The following DLG4 variants were observed in gnomAD, a reference collection of about 807,000 sequenced individuals.
The protein encoded by DLG4 is disks large homolog 4.
A neutral mutation model predicts 93.8 loss-of-function variants in DLG4; 7 were observed. The ratio of observed to expected loss-of-function variants is 0.07; its 90% CI spans 0.04 to 0.14. DLG4 has a LOEUF of 0.14. Ranked by LOEUF, DLG4 falls within the 10% of genes least tolerant of loss-of-function variation. DLG4 has a pLI of 1.00. For missense variants in DLG4, 545 were observed against 992.9 expected (o/e 0.55, Z 6.06); for synonymous variants, 341 against 387.6 (o/e 0.88, Z 1.41).
Position 7,194,222 on chromosome 17 carries a change from C to A in DLG4, c.1478+97G>T. 4.1e-6 allele frequency: 6 copies of A among 1,474,998 alleles called. No individual in the cohort carries two copies. Among genetic ancestry groups the A allele is most frequent in the Non-Finnish European group, 5.5e-6 (6 of 1,098,620 alleles). 91.4% of individuals were successfully genotyped at this position (1,474,998 alleles called of 1,614,324 possible). A position where few individuals can be genotyped will look rare whatever the true frequency, so the allele number is the denominator to read the frequency against. On this transcript the variant is annotated intron_variant, in intron 12 of 19. Transcript: ENST00000399506. The surrounding 1 kb of genome is among the most constrained non-coding windows in gnomAD (Gnocchi z 4.4). ...CCCAACAGACAAACCCCTAGGAGTT[C>A]AGAGGGCAAACCCATCCCCTGTTGG...
At position 7,195,692 on chromosome 17, in the gene DLG4, G is replaced by A. The variant is rs1366792305; in HGVS notation, c.1301+528C>T. Among the ~76,000 whole-genome samples, 2 of 152,160 alleles carry A rather than the reference G, an allele frequency of 1.3e-5. No homozygotes were observed. Among genetic ancestry groups the A allele is most frequent in the African/African-American group, 2.4e-5 (1 of 41,436 alleles). On this transcript the variant is annotated intron_variant, in intron 11 of 19. Transcript: ENST00000399506. This position sits in a 1 kb window ranked among gnomAD's most constrained non-coding sequence, Gnocchi z 4.3. ...GCCATGCAAGCCACAGGGCCAGACA[G>A]GGACAGAAGTGGAGGGGTGACCCCC...
At chr17:7,199,991 A>G (rs984368453) in intron 8 of DLG4, among the ~76,000 whole-genome samples, 3 of 151,882 alleles carry the variant, frequency 2.0e-5, no homozygotes, top group South Asian at 2.1e-4. Context: ...AAAAAAAAAA[A>G]AAAAGAAAAG....
intron 2 of DLG4, among the ~76,000 whole-genome samples, chr17:7,206,640 TC>T (rs1425805850): frequency 1.3e-5 from 2 of 152,122 alleles, no homozygotes; most frequent in East Asian, 3.9e-4. Flanking sequence ...CTCTGTACCA[TC>T]CCTGTCTCCA....
Position 7,193,833 on chromosome 17 carries a change from A to T in DLG4, c.1543+11T>A. 6.2e-7 allele frequency: 1 copy of T among 1,612,642 alleles called. No homozygotes were observed. Among genetic ancestry groups the T allele is most frequent in the Non-Finnish European group, 8.5e-7 (1 of 1,179,398 alleles). On this transcript the variant is annotated intron_variant, in intron 14 of 19. Coordinates refer to ENST00000399506, the MANE Select transcript of DLG4 (RefSeq NM_001321075.3). The surrounding 1 kb of genome is among the most constrained non-coding windows in gnomAD (Gnocchi z 6.7). ...CTCTCACCCACATCTTCCCGAACTA[A>T]CCCTACCTACCCTGCGATCCAGAGC...
At chr17:7,197,099 C>T in intron 8 of DLG4, 47 bp from the exon 9 acceptor site, 2 of 1,524,860 alleles carry the variant, frequency 1.3e-6, no homozygotes, top group Non-Finnish European at 1.8e-6. Context: ...GGAAACAGCA[C>T]CCGCCACCCA....
In DLG4 at chr17:7,202,998, G is replaced by A. The variant is rs2070229323; in HGVS notation, c.692C>T (p.Ala231Val). Residue 231 changes from alanine (A) to valine (V), a missense_variant, in exon 8 of 20, where the codon GCC becomes GTC. Ala to Val is a moderately conservative substitution (Grantham distance 64). Transcript: ENST00000399506. The part of the protein sequence containing the change: ...EDVMHEDAVA[A>V]LKNTYDVVYL... ...GACAACATCATACGTGTTCTTCAGG[G>A]CTGCCACAGCATCTTCATGCATGAC... 6.2e-7 allele frequency: 1 copy of A among 1,613,152 alleles called. No homozygotes were observed. Among genetic ancestry groups the A allele is most frequent in the African/African-American group, 1.3e-5 (1 of 75,024 alleles).
upstream of DLG4, chr17:7,219,937 C>G (rs773696021): frequency 1.5e-6 from 1 of 667,644 alleles, no homozygotes; most frequent in Non-Finnish European, 2.3e-6. Flanking sequence ...TGCAGGACGC[C>G]AGAGCTGGGT....
chr17:7,190,301 G>A lies in DLG4; in HGVS notation c.*407C>T. ...TGACCCCAGACCCTGCCTTAGGAGA[G>A]AGCGGAGGCCTGTGGCCCTGCATCC... On this transcript the variant is annotated 3_prime_UTR_variant, in exon 20 of 20. Coordinates refer to ENST00000399506, the MANE Select transcript of DLG4 (RefSeq NM_001321075.3). 1 of 245,916 alleles carries A rather than the reference G, an allele frequency of 4.1e-6. No homozygotes were observed. Among genetic ancestry groups the A allele is most frequent in the Non-Finnish European group, 8.1e-6 (1 of 122,982 alleles). 15.2% of individuals were successfully genotyped at this position (245,916 alleles called of 1,614,324 possible).
At position 7,188,070 on chromosome 17, in the gene DLG4, C is replaced by CA; in HGVS notation, c.*2637dup. ...GGGCAACAAAAGTGAAACTCGACCT[C>CA]AAAAAAAAAAAAAAAAAAATCCTCT... On this transcript the variant is annotated 3_prime_UTR_variant, in exon 20 of 20. Transcript: ENST00000399506. 7.2e-6 allele frequency among the ~76,000 whole-genome samples: 1 copy of CA among 138,352 alleles called. No homozygotes were observed. 90.8% of individuals were successfully genotyped at this position (138,352 alleles called of 152,430 possible). A position where few individuals can be genotyped will look rare whatever the true frequency, so the allele number is the denominator to read the frequency against.
rs957860050 is a variant in DLG4, at chr17:7,194,951, G to A, written c.1302-456C>T. 2.6e-5 allele frequency among the ~76,000 whole-genome samples: 4 copies of A among 151,534 alleles called. No individual in the cohort carries two copies. Among genetic ancestry groups the A allele is most frequent in the South Asian group, 2.1e-4 (1 of 4,796 alleles). ...GGAAAATGGCATGAACCCAGGAGGC[G>A]GAGCTTGCAGTGAGCAGAGATCACG... On this transcript the variant is annotated intron_variant, in intron 11 of 19. Transcript: ENST00000399506. This position sits in a 1 kb window ranked among gnomAD's most constrained non-coding sequence, Gnocchi z 4.4.
intron 1 of DLG4, among the ~76,000 whole-genome samples, chr17:7,211,202 TCA>T (rs1261651394): frequency 1.3e-5 from 2 of 151,214 alleles, no homozygotes; most frequent in African/African-American, 4.9e-5. Flanking sequence ...TCAGCACCTC[TCA>T]GTCTTGGATT....
At chr17:7,219,889 G>A, upstream of DLG4, 1 of 1,536,758 alleles carries the variant, frequency 6.5e-7, no homozygotes, top group Non-Finnish European at 8.7e-7. Context: ...GTGCACTGTG[G>A]ACGATGAGTC....
Position 7,217,231 on chromosome 17 carries a change from TC to T in DLG4, c.-85del, listed in dbSNP as rs1359024880. ...CCTCCCCTCCGTGGGTTCTCACCCC[TC>T]CCCCCTCCGCACCCCACTTTTGCAG... On this transcript the variant is annotated 5_prime_UTR_variant, in exon 1 of 20. Coordinates refer to ENST00000399506, the MANE Select transcript of DLG4 (RefSeq NM_001321075.3). 3.3e-6 allele frequency: 4 copies of T among 1,196,808 alleles called. No individual in the cohort carries two copies. Among genetic ancestry groups the T allele is most frequent in the African/African-American group, 1.7e-5 (1 of 59,202 alleles). 74.1% of individuals were successfully genotyped at this position (1,196,808 alleles called of 1,614,324 possible). A position where few individuals can be genotyped will look rare whatever the true frequency, so the allele number is the denominator to read the frequency against.
rs1379105319 is a variant in DLG4 at position 7,187,259 on chromosome 17, G to T, written c.*3449C>A. On this transcript the variant is annotated 3_prime_UTR_variant, in exon 20 of 20. Coordinates refer to ENST00000399506, the MANE Select transcript of DLG4 (RefSeq NM_001321075.3). Reference sequence around the variant, plus strand: ...ATAATTTACAAAATAATGCATGCAGGCCAGGCGCGGTGGCTCATGCCTGTA... The same window carrying T: ...ATAATTTACAAAATAATGCATGCAGTCCAGGCGCGGTGGCTCATGCCTGTA... 1.6e-5 allele frequency among the ~76,000 whole-genome samples: 2 copies of T among 126,364 alleles called. No homozygotes were observed. Among genetic ancestry groups the T allele is most frequent in the African/African-American group, 5.1e-5 (2 of 39,346 alleles). 82.9% of individuals were successfully genotyped at this position (126,364 alleles called of 152,430 possible). A position where few individuals can be genotyped will look rare whatever the true frequency, so the allele number is the denominator to read the frequency against.
intron 1 of DLG4, among the ~76,000 whole-genome samples, chr17:7,214,830 C>CA (rs1336793081): frequency 6.6e-6 from 1 of 152,198 alleles, no homozygotes; most frequent in Non-Finnish European, 1.5e-5. Flanking sequence ...CCAAGAAAGA[C>CA]AAAGTGATCG....
At chr17:7,218,657 G>A, upstream of DLG4, 2 of 1,556,244 alleles carry the variant, frequency 1.3e-6, no homozygotes, top group South Asian at 1.2e-5. Context: ...GATGCAAGGA[G>A]AATTGGGACA....
At chr17:7,219,740 G>C, upstream of DLG4, 6 of 1,447,138 alleles carry the variant, frequency 4.1e-6, no homozygotes, top group East Asian at 1.0e-4. Context: ...CTAGACTCTA[G>C]GTCGGACGGG....
intron 1 of DLG4, among the ~76,000 whole-genome samples, chr17:7,212,248 C>T (rs1209274025): frequency 3.9e-5 from 6 of 152,174 alleles, no homozygotes; most frequent in Non-Finnish European, 8.8e-5. Context: ...GATTCCAAGG[C>T]ATCTCCTACT....
intron 8 of DLG4, among the ~76,000 whole-genome samples, chr17:7,197,652 T>C (rs2069867610): frequency 6.6e-6 from 1 of 152,016 alleles, no homozygotes; most frequent in Admixed American, 6.5e-5. Flanking sequence ...GCCCAGCTAA[T>C]TTTTGTATTT....
Sources: gnomAD v4.1 joint callset for allele counts (sites outside exome capture counted in the v4.1 genomes callset) on GRCh38, gnomAD v4.1.1 for gene constraint, Gnocchi (gnomAD v3.1) non-coding constraint, MANE v1.5 for transcripts, NCBI Gene and HGNC (gene_info 2026-07-23, HGNC 2026-07-21) for gene names.